The following GOSR2 variants were observed in gnomAD, a reference collection of about 807,000 sequenced individuals.
The protein encoded by GOSR2 is golgi SNAP receptor complex member 2.
A neutral mutation model predicts 27.9 loss-of-function variants in GOSR2; 20 were observed. That is an observed-to-expected ratio of 0.72 (90% CI 0.50 to 1.04). The LOEUF is 1.04. Ranked by LOEUF, GOSR2 falls within the 50% of genes least tolerant of loss-of-function variation. GOSR2 has a pLI of 0.00. For missense variants in GOSR2, 261 were observed against 270.5 expected (o/e 0.97, Z 0.25); for synonymous variants, 91 against 98.8 (o/e 0.92, Z 0.47).
downstream of GOSR2, chr17:46,942,118 C>G: frequency 4.7e-6 from 1 of 211,882 alleles, no homozygotes; most frequent in Non-Finnish European, 8.2e-6. Flanking sequence ...TGTAGAATGT[C>G]GACATCAGGA....
chr17:46,972,096 T>TC (rs11439236), intron 6 of GOSR2, among the ~76,000 whole-genome samples: 145,229 of 152,188 alleles, frequency 0.95, 69,660 homozygotes, highest in East Asian at 1. Context: ...CGCTTTATGT[T>TC]CTATAGAGAC....
intron 6 of GOSR2, among the ~76,000 whole-genome samples, chr17:46,963,338 A>G (rs1212631145): frequency 6.6e-6 from 1 of 152,198 alleles, no homozygotes; most frequent in Admixed American, 6.5e-5. Context: ...TGAGGTCAAG[A>G]GTTTGAGACC....
At chr17:46,948,924 T>C (rs894860613) in intron 6 of GOSR2, 2 of 152,186 alleles carry the variant, frequency 1.3e-5, no homozygotes, top group African/African-American at 2.4e-5. Flanking sequence ...TAAAGTTCAT[T>C]CATCCATTCT....
chr17:46,961,900 G>GTAAT (rs1488715707), intron 6 of GOSR2, among the ~76,000 whole-genome samples: 1 of 152,192 alleles, frequency 6.6e-6, no homozygotes, highest in Non-Finnish European at 1.5e-5. Flanking sequence ...TACCCTAGGG[G>GTAAT]ATTATAGTTA....
chr17:46,946,059 C>T (rs2089834284), downstream of GOSR2, among the ~76,000 whole-genome samples: 1 of 152,122 alleles, frequency 6.6e-6, no homozygotes, highest in South Asian at 2.1e-4. Context: ...GGCTGAATTC[C>T]AGAACAGCAG....
rs541469849 is a variant in GOSR2, at chr17:46,929,848, T to C, written c.94+264T>C. 9.1e-6 allele frequency: 4 copies of C among 437,590 alleles called. No individual in the cohort carries two copies. The Admixed American group carries it at 1.1e-4, about 12-fold the overall frequency. The allele number at this position is 437,590 out of a possible 1,614,324, so 27.1% of individuals were successfully genotyped here. On this transcript the variant is annotated intron_variant, in intron 2 of 5. Transcript: ENST00000640051. ...GAATGGAAGCGCTTGCCTCCATCTA[T>C]CTTAATCTAATTACCTAGTCCTTAG... is the stretch of plus-strand genomic sequence containing the variant.
intron 1 of GOSR2, among the ~76,000 whole-genome samples, chr17:46,926,596 G>A (rs1021033368): frequency 6.6e-6 from 1 of 152,202 alleles, no homozygotes; most frequent in Non-Finnish European, 1.5e-5. Flanking sequence ...AGTCATGCTT[G>A]TGTATCACCT....
chr17:46,972,560 C>T (rs1428552921), intron 6 of GOSR2, among the ~76,000 whole-genome samples: 2 of 152,236 alleles, frequency 1.3e-5, no homozygotes, highest in African/African-American at 2.4e-5. Flanking sequence ...ACAATGTGAC[C>T]GTTGGTGACG....
chr17:46,968,458 G>C (rs373680420), downstream of GOSR2, among the ~76,000 whole-genome samples: 1 of 152,210 alleles, frequency 6.6e-6, no homozygotes, highest in East Asian at 1.9e-4. Flanking sequence ...TGCGGGGACC[G>C]CTGGAGCAGA....
chr17:46,931,351 G>A, intron 3 of GOSR2, 144 bp downstream of exon 3: 1 of 677,516 alleles, frequency 1.5e-6, no homozygotes, highest in South Asian at 1.7e-5. Flanking sequence ...CCCCTCAAAG[G>A]GCACAATTCT....
intron 1 of GOSR2, among the ~76,000 whole-genome samples, chr17:46,927,265 A>G (rs1222378207): frequency 1.3e-5 from 2 of 152,134 alleles, no homozygotes; most frequent in Non-Finnish European, 2.9e-5. Context: ...AATTCTTTAT[A>G]TATTTTCTGC....
At chr17:46,966,562 T>C (rs1396214527) in exon 7 of GOSR2, 1 of 696,888 alleles carries the variant, frequency 1.4e-6, no homozygotes, top group East Asian at 2.7e-5. Context: ...TTGCCCAGAA[T>C]GGACCCGAAC....
exon 7 of GOSR2, chr17:46,966,626 G>C (rs1461610513): frequency 1.5e-6 from 1 of 667,882 alleles, no homozygotes; most frequent in Non-Finnish European, 2.7e-6. Context: ...TGGGATTATA[G>C]GTATGAGCCA....
chr17:46,960,344 T>C (rs2090981147), intron 6 of GOSR2, among the ~76,000 whole-genome samples: 2 of 152,080 alleles, frequency 1.3e-5, no homozygotes, highest in African/African-American at 4.8e-5. Flanking sequence ...ACACAAAATC[T>C]GACAATATCA....
Position 46,940,096 on chromosome 17 carries a change from T to A in GOSR2, c.*1336T>A. On this transcript the variant is annotated 3_prime_UTR_variant, in exon 6 of 6. Transcript: ENST00000640051. ...GAACTGTCTTCTGTCTTATTTCCCT[T>A]CCTTTCTGTGTTCCTCTTCACCTCT... 1 of 1,150,482 alleles carries A rather than the reference T, an allele frequency of 8.7e-7. No homozygotes were observed. The highest frequency in any genetic ancestry group is 1.1e-6 in the Non-Finnish European group (1 of 932,254). The allele number at this position is 1,150,482 out of a possible 1,614,324, so 71.3% of individuals were successfully genotyped here.
chr17:46,934,996 A>C lies in GOSR2; in HGVS notation c.337-33A>C, dbSNP rs765679030. 5 of 1,604,872 alleles carry C rather than the reference A, an allele frequency of 3.1e-6. No individual in the cohort carries two copies. The East Asian group carries it at 1.1e-4, about 36-fold the overall frequency. On this transcript the variant is annotated intron_variant, in intron 4 of 5. Transcript: ENST00000640051. ...AGACCCCAGGAACTGACTGATAAGC[A>C]AAGTTAATCAAGTGCCTGTGTTTCT...
chr17:46,974,729 C>A (rs1465079111), intron 6 of GOSR2, among the ~76,000 whole-genome samples: 1 of 76,044 alleles, frequency 1.3e-5, no homozygotes. Flanking sequence ...GCAAGACTCT[C>A]TCTCAAAAAA....
intron 6 of GOSR2, among the ~76,000 whole-genome samples, chr17:46,972,784 G>A (rs748320290): frequency 3.3e-5 from 5 of 152,084 alleles, no homozygotes; most frequent in Admixed American, 2.6e-4. Context: ...TCAATCTCCC[G>A]TGTGGACGAG....
rs772447527 is a variant in GOSR2 at position 46,938,775 on chromosome 17, G to A, written c.*15G>A. ...ACCTGACATGAGCCAGCCACGCTCA[G>A]TGGCTGAACAGCATTCCCACAGCCT... On this transcript the variant is annotated 3_prime_UTR_variant, in exon 6 of 6. Transcript: ENST00000640051. 15 of 1,613,790 alleles carry A rather than the reference G, an allele frequency of 9.3e-6. No individual in the cohort carries two copies. The highest frequency in any genetic ancestry group is 1.7e-5 in the Admixed American group (1 of 60,018).
Sources: gnomAD v4.1 joint callset for allele counts (sites outside exome capture counted in the v4.1 genomes callset) on GRCh38, gnomAD v4.1.1 for gene constraint, MANE v1.5 for transcripts, NCBI Gene and HGNC (gene_info 2026-07-23, HGNC 2026-07-21) for gene names.